Variants in ELMO1 observed in about 807,000 individuals in gnomAD.
The protein encoded by ELMO1 is engulfment and cell motility 1, also known as engulfment and cell motility protein 1.
Under a neutral mutation model 98.9 loss-of-function variants are expected in ELMO1, and 26 were observed. The observed-to-expected ratio is 0.26, with a 90% CI of 0.19 to 0.36. ELMO1 has a LOEUF of 0.36. Ranked by LOEUF, ELMO1 falls within the 10% of genes least tolerant of loss-of-function variation. The probability of loss-of-function intolerance (pLI) is 1.00; values close to 1 mark genes in which losing one functional copy is unlikely to be tolerated. For synonymous variants in ELMO1, 346 were observed against 346.0 expected, an observed-to-expected ratio of 1.00 and a Z score of 0.00; for missense variants, 627 against 935.2, an observed-to-expected ratio of 0.67 and a Z score of 4.30.
chr7:36,863,471 T>A (rs1802794339), intron 20 of ELMO1, among the ~76,000 whole-genome samples: 1 of 152,058 alleles, frequency 6.6e-6, no homozygotes, highest in Admixed American at 6.6e-5. Context: ...AAAATACATA[T>A]CAAGAACCAG....
At chr7:36,965,544 T>C (rs1789347469) in intron 16 of ELMO1, among the ~76,000 whole-genome samples, 1 of 152,168 alleles carries the variant, frequency 6.6e-6, no homozygotes. Context: ...TTTTGTGGGT[T>C]TTATATGTAG....
At chr7:37,428,238 TA>T (rs1173345039) in intron 1 of ELMO1, among the ~76,000 whole-genome samples, 2 of 151,976 alleles carry the variant, frequency 1.3e-5, no homozygotes, top group Non-Finnish European at 2.9e-5. Context: ...TTTTTGAATC[TA>T]AAATAGCACC....
At chr7:37,063,537 AT>A (rs1415760222) in intron 15 of ELMO1, among the ~76,000 whole-genome samples, 1 of 152,190 alleles carries the variant, frequency 6.6e-6, no homozygotes, top group Admixed American at 6.5e-5. Context: ...AACATTACCT[AT>A]AGTATCAGCA....
intron 15 of ELMO1, among the ~76,000 whole-genome samples, chr7:37,087,403 T>G (rs957744247): frequency 6.6e-6 from 1 of 152,194 alleles, no homozygotes; most frequent in Non-Finnish European, 1.5e-5. Flanking sequence ...GGTATCTTTA[T>G]TTTAAGAATG....
chr7:37,206,689 G>A (rs1792641749), intron 13 of ELMO1, among the ~76,000 whole-genome samples: 2 of 152,196 alleles, frequency 1.3e-5, no homozygotes, highest in Admixed American at 1.3e-4. Context: ...ATTCTGAAAT[G>A]TTTTCACCAT....
intron 16 of ELMO1, among the ~76,000 whole-genome samples, chr7:37,003,941 T>C (rs777896380): frequency 2.2e-4 from 34 of 152,200 alleles, no homozygotes; most frequent in Non-Finnish European, 4.6e-4. Context: ...CAGTTGGCAA[T>C]AGGGGGCACC....
intron 2 of ELMO1, among the ~76,000 whole-genome samples, chr7:37,327,043 A>G (rs80105926): frequency 0.063 from 9,604 of 152,286 alleles, 402 homozygotes; most frequent in Middle Eastern, 0.092. Context: ...GTTTTTCCCC[A>G]ATTTCCTTAT....
intron 14 of ELMO1, among the ~76,000 whole-genome samples, chr7:37,126,300 A>T (rs11984017): frequency 2.4e-4 from 32 of 134,128 alleles, no homozygotes; most frequent in African/African-American, 7.9e-4. Context: ...GTATAATTTA[A>T]ATATATATAT....
chr7:37,434,317 T>C (rs1041371531), intron 1 of ELMO1, among the ~76,000 whole-genome samples: 1 of 152,196 alleles, frequency 6.6e-6, no homozygotes, highest in African/African-American at 2.4e-5. Context: ...CCTGAGAGGC[T>C]GCTAAAAATG....
intron 20 of ELMO1, among the ~76,000 whole-genome samples, chr7:36,869,453 T>C (rs1803329578): frequency 6.6e-6 from 1 of 152,220 alleles, no homozygotes; most frequent in African/African-American, 2.4e-5. Context: ...GTGGAAACTA[T>C]TTATTTTAAC....
chr7:37,057,644 G>A (rs923089267), intron 15 of ELMO1, among the ~76,000 whole-genome samples: 1 of 152,194 alleles, frequency 6.6e-6, no homozygotes, highest in Non-Finnish European at 1.5e-5. Flanking sequence ...AGCATCATTA[G>A]TAGAGGAGAA....
At chr7:37,426,357 G>A (rs1201179477) in intron 1 of ELMO1, among the ~76,000 whole-genome samples, 4 of 151,824 alleles carry the variant, frequency 2.6e-5, no homozygotes, top group Non-Finnish European at 4.4e-5. Context: ...GTTTCACCAC[G>A]TTGGCCAGGC....
At chr7:37,034,126 C>T (rs1795044303) in intron 15 of ELMO1, among the ~76,000 whole-genome samples, 1 of 152,172 alleles carries the variant, frequency 6.6e-6, no homozygotes, top group African/African-American at 2.4e-5. Context: ...CTTCCACCCT[C>T]AAATTCCTAT....
chr7:37,049,077 TTC>T (rs1337831100), intron 15 of ELMO1, among the ~76,000 whole-genome samples: 6 of 152,176 alleles, frequency 3.9e-5, no homozygotes, highest in African/African-American at 1.4e-4. Flanking sequence ...TTAACTTGTT[TTC>T]TCTGTCTTCC....
chr7:37,311,843 A>G (rs1454076151), intron 4 of ELMO1, among the ~76,000 whole-genome samples: 3 of 152,240 alleles, frequency 2.0e-5, no homozygotes, highest in East Asian at 1.9e-4. Context: ...GAAAAACTCC[A>G]TGACAGACTT....
At chr7:37,278,113 CTTTTTTTTTTTT>C (rs36110041) in intron 4 of ELMO1, among the ~76,000 whole-genome samples, 4 of 85,594 alleles carry the variant, frequency 4.7e-5, no homozygotes, top group African/African-American at 9.4e-5. Flanking sequence ...ATAGCTTTTC[CTTTTTTTTTTTT>C]TTTTTTTTTT....
At chr7:37,350,975 C>A (rs1165686209) in intron 1 of ELMO1, among the ~76,000 whole-genome samples, 1 of 152,184 alleles carries the variant, frequency 6.6e-6, no homozygotes, top group Non-Finnish European at 1.5e-5. Flanking sequence ...AGTGAGAAAA[C>A]CCATTTCTGT....
chr7:37,162,305 G>A (rs1191410402), intron 13 of ELMO1, among the ~76,000 whole-genome samples: 4 of 152,098 alleles, frequency 2.6e-5, no homozygotes, highest in Non-Finnish European at 5.9e-5. Context: ...AAGATGAACA[G>A]CTGCCTCGTG....
At chr7:37,113,732 T>C (rs1785391897) in intron 14 of ELMO1, among the ~76,000 whole-genome samples, 1 of 152,130 alleles carries the variant, frequency 6.6e-6, no homozygotes, top group African/African-American at 2.4e-5. Context: ...AAAGAGGTAA[T>C]TAAAATCAAA....
Sources: allele counts gnomAD v4.1 joint callset (sites outside exome capture counted in the v4.1 genomes callset), GRCh38; gene constraint gnomAD v4.1.1; transcripts MANE v1.5; gene names NCBI Gene and HGNC (gene_info 2026-07-23, HGNC 2026-07-21).